The following CA11 variants were observed in gnomAD, a reference collection of about 807,000 sequenced individuals.
The protein encoded by CA11 is carbonic anhydrase 11 (inactive).
In CA11, 20 loss-of-function variants were observed where a neutral mutation model predicts 39.3. The ratio of observed to expected loss-of-function variants is 0.51; its 90% CI spans 0.36 to 0.74. The LOEUF (loss-of-function observed/expected upper bound fraction) is 0.74. CA11 is among the 30% of genes least tolerant of loss of function. CA11 has a pLI of 0.00. For missense variants in CA11, 336 were observed against 424.6 expected, an observed-to-expected ratio of 0.79 and a Z score of 1.83; for synonymous variants, 166 against 172.5, an observed-to-expected ratio of 0.96 and a Z score of 0.29.
At chr19:48,638,298 A>G in intron 8 of CA11, 154 bp from the exon 9 acceptor site, 1 of 1,116,706 alleles carries the variant, frequency 9.0e-7, no homozygotes, top group Non-Finnish European at 1.1e-6. Flanking sequence ...ACTGGGCTGA[A>G]CCACAAGAAG....
At chr19:48,638,673 A>T (rs956795778) in intron 8 of CA11, among the ~76,000 whole-genome samples, 7 of 152,156 alleles carry the variant, frequency 4.6e-5, no homozygotes, top group Admixed American at 4.6e-4. Context: ...AGCAGTGAAG[A>T]GGAAAGACAA....
At chr19:48,642,771 A>C (rs1181137414) in intron 3 of CA11, among the ~76,000 whole-genome samples, 1 of 152,132 alleles carries the variant, frequency 6.6e-6, no homozygotes, top group African/African-American at 2.4e-5. Context: ...GACTGGGGGC[A>C]GTAGAGGGCG....
At chr19:48,641,094 C>G (rs556701115) in intron 3 of CA11, among the ~76,000 whole-genome samples, 2 of 152,154 alleles carry the variant, frequency 1.3e-5, no homozygotes, top group East Asian at 3.9e-4. Context: ...ATTCTCCTCC[C>G]TCAGGCTCCC....
intron 5 of CA11, 51 bp from the exon 6 acceptor site, chr19:48,639,672 C>CA: frequency 6.2e-7 from 1 of 1,602,590 alleles, no homozygotes. Flanking sequence ...TCCAAGCCCT[C>CA]AACCTTCTCC....
In CA11 at chr19:48,638,056, G is replaced by A. The variant is rs1340051227; in HGVS notation, c.*63C>T. 1.6e-6 allele frequency: 2 copies of A among 1,270,672 alleles called. No homozygotes were observed. Among genetic ancestry groups the A allele is most frequent in the African/African-American group, 1.6e-5 (1 of 64,144 alleles). The allele number at this position is 1,270,672 out of a possible 1,614,324, so 78.7% of individuals were successfully genotyped here. A position where few individuals can be genotyped will look rare whatever the true frequency, so the allele number is the denominator to read the frequency against. On this transcript the variant is annotated 3_prime_UTR_variant, in exon 9 of 9. Transcript: ENST00000084798. ...GTCCCTTTAATAGCTTTGTTTTAGG[G>A]GTAACTCCCCTCGCCTTGTGGGGAG... is the stretch of plus-strand genomic sequence containing the variant.
intron 3 of CA11, among the ~76,000 whole-genome samples, chr19:48,641,787 G>A (rs923286340): frequency 1.4e-5 from 2 of 147,820 alleles, no homozygotes; most frequent in Non-Finnish European, 3.0e-5. Context: ...TGGGACCACA[G>A]TCACATACCA....
chr19:48,644,886 C>T (rs34271003), intron 2 of CA11, among the ~76,000 whole-genome samples: 12,419 of 152,158 alleles, frequency 0.082, 657 homozygotes, highest in Admixed American at 0.16. Context: ...TGAGCCACCG[C>T]GCCCAGCCGA....
intron 3 of CA11, among the ~76,000 whole-genome samples, chr19:48,641,661 T>C (rs2031088060): frequency 6.6e-6 from 1 of 152,022 alleles, no homozygotes; most frequent in African/African-American, 2.4e-5. Context: ...ATTTATTATT[T>C]TGAGACAAAG....
At chr19:48,641,823 C>CTTTT (rs71179023) in intron 3 of CA11, among the ~76,000 whole-genome samples, 31 of 92,258 alleles carry the variant, frequency 3.4e-4, no homozygotes, top group East Asian at 6.4e-4. Flanking sequence ...TTTCAATTTT[C>CTTTT]TTTTTTTTTT....
intron 8 of CA11, chr19:48,638,537 C>G: frequency 5.9e-6 from 1 of 170,732 alleles, no homozygotes; most frequent in Non-Finnish European, 1.2e-5. Context: ...TAAGGTAGTA[C>G]GACTTGGAAA....
At chr19:48,640,391 T>G (rs2031034248) in intron 3 of CA11, 111 bp from the exon 4 acceptor site, 4 of 791,294 alleles carry the variant, frequency 5.1e-6, no homozygotes, top group Non-Finnish European at 7.6e-6. Context: ...TTTTTTTTTT[T>G]GAAACGGAGT....
At position 48,643,815 on chromosome 19, in the gene CA11, T is replaced by A. The variant is rs2031162402; in HGVS notation, c.285+612A>T. 6.6e-6 allele frequency among the ~76,000 whole-genome samples: 1 copy of A among 151,912 alleles called. No individual in the cohort carries two copies. Among genetic ancestry groups the A allele is most frequent in the African/African-American group, 2.4e-5 (1 of 41,362 alleles). ...GGTTAATAATTGTACCCATTTTGGC[T>A]GGACGCAGTGGCTCATGCCTGTAAT... On this transcript the variant is annotated intron_variant, in intron 3 of 8. Coordinates refer to ENST00000084798, the MANE Select transcript of CA11 (RefSeq NM_001217.5). The surrounding 1 kb of genome is among the most constrained non-coding windows in gnomAD (Gnocchi z 4.3).
chr19:48,644,326 C>G, intron 3 of CA11, 101 bp downstream of exon 3: 1 of 1,139,528 alleles, frequency 8.8e-7, no homozygotes, highest in Non-Finnish European at 1.2e-6. Flanking sequence ...GGTGTCCCCT[C>G]CTCCCCCAAG....
Position 48,638,386 on chromosome 19 carries a change from G to T in CA11, c.962-242C>A, listed in dbSNP as rs1391286413. ...TTGAAGGTCTTCATGGGGGGGGGGG[G>T]GTGTGGACTGTACCATGTTGCGAAG... On this transcript the variant is annotated intron_variant, in intron 8 of 8. Coordinates refer to ENST00000084798, the MANE Select transcript of CA11 (RefSeq NM_001217.5). 2.3e-4 allele frequency: 82 copies of T among 357,976 alleles called. 3 individuals are homozygous for T. The highest frequency in any genetic ancestry group is 1.4e-3 in the East Asian group (7 of 4,926). The allele number at this position is 357,976 out of a possible 1,614,324, so 22.2% of individuals were successfully genotyped here.
In CA11 at chr19:48,645,613, A is replaced by G. The variant is rs1351512075; in HGVS notation, c.20T>C (p.Leu7Pro). Residue 7 changes from leucine to proline, a missense_variant, in exon 1 of 9, where the codon CTG becomes CCG. Coordinates refer to ENST00000084798, the MANE Select transcript of CA11 (RefSeq NM_001217.5). Reference sequence around the variant, plus strand: ...GAGTACCAGCGCTCGAGGGGCGCTCAGACGAGCTGCAGCCCCCATCCCCAG... The same window carrying G: ...GAGTACCAGCGCTCGAGGGGCGCTCGGACGAGCTGCAGCCCCCATCCCCAG... MGAAAR[L>P]SAPRALVLWA... 1 of 1,598,636 alleles carries G rather than the reference A, an allele frequency of 6.3e-7. No individual in the cohort carries two copies. Among genetic ancestry groups the G allele is most frequent in the Admixed American group, 1.7e-5 (1 of 58,212 alleles).
rs1269397349 is a variant in CA11, at chr19:48,639,431, G to T, written c.669C>A (p.Ser223Arg). 3 of 1,613,786 alleles carry T rather than the reference G, an allele frequency of 1.9e-6. No homozygotes were observed. Among genetic ancestry groups the T allele is most frequent in the Admixed American group, 3.3e-5 (2 of 59,988 alleles). Residue 223 changes from serine to arginine, a missense_variant, in exon 7 of 9, where the codon AGC becomes AGA. Transcript: ENST00000084798. ...KNDAYFLQDL[S>R]LELLFPESFG... ...AGGATTCAGGGAACAGGAGCTCCAG[G>T]CTCAGGTCTTGAAGAAAGTAGGCAT...
chr19:48,643,015 C>T lies in CA11; in HGVS notation c.285+1412G>A, dbSNP rs973013273. Among the ~76,000 whole-genome samples, 3 of 152,012 alleles carry T rather than the reference C, an allele frequency of 2.0e-5. No individual in the cohort carries two copies. The highest frequency in any genetic ancestry group is 7.2e-5 in the African/African-American group (3 of 41,386). ...CCAAGGCAAGGAGGATCACTTGAAC[C>T]CAGGAGTTCGACATCAGCCTGGACA... On this transcript the variant is annotated intron_variant, in intron 3 of 8. Coordinates refer to ENST00000084798, the MANE Select transcript of CA11 (RefSeq NM_001217.5). This position sits in a 1 kb window ranked among gnomAD's most constrained non-coding sequence, Gnocchi z 4.3.
Position 48,644,570 on chromosome 19 carries a change from C to T in CA11, c.143-1G>A, listed in dbSNP as rs762827224. 2 of 1,582,998 alleles carry T rather than the reference C, an allele frequency of 1.3e-6. No individual in the cohort carries two copies. Among genetic ancestry groups the T allele is most frequent in the South Asian group, 2.3e-5 (2 of 87,928 alleles). On this transcript the variant is annotated splice_acceptor_variant, in intron 2 of 8. Transcript: ENST00000084798. LOFTEE classifies it high-confidence loss of function. ...TTCACCAGGCCCCAGAAAGGAGGCC[C>T]TGGGGGTGGGGTCGGAGTAGGAGGA...
rs751490987 is a variant in CA11 at position 48,638,123 on chromosome 19, C to T, written c.983G>A (p.Arg328His). The T allele has an allele frequency of 2.1e-6, 3 of 1,400,662 alleles. No individual in the cohort carries two copies. In the South Asian group the frequency reaches 4.8e-5, roughly 22 times the overall value. 86.8% of individuals were successfully genotyped at this position (1,400,662 alleles called of 1,614,324 possible). A position where few individuals can be genotyped will look rare whatever the true frequency, so the allele number is the denominator to read the frequency against. ...TGCAATCCTCGAAGGGGAGTCTCAG[C>T]GACCATGGGGGACACCATCCACTGT... The part of the protein sequence containing the change: ...RLHVDGVPHG[R>H] The change falls in exon 9 of 9, where the codon CGC becomes CAC. Residue 328 changes from arginine to histidine, a missense_variant. Transcript: ENST00000084798.
Sources: gnomAD v4.1 joint callset for allele counts (sites outside exome capture counted in the v4.1 genomes callset) on GRCh38, gnomAD v4.1.1 for gene constraint, Gnocchi (gnomAD v3.1) non-coding constraint, MANE v1.5 for transcripts, NCBI Gene and HGNC (gene_info 2026-07-23, HGNC 2026-07-21) for gene names.